Variants in NUP133 observed in about 807,000 individuals in gnomAD.
NUP133 encodes nucleoporin 133.
In NUP133, 66 loss-of-function variants were observed where a neutral mutation model predicts 146.2. That is an observed-to-expected ratio of 0.45 (90% CI 0.37 to 0.55). NUP133 has a LOEUF of 0.55. NUP133 is among the 20% of genes least tolerant of loss of function. The pLI is 0.00. For missense variants in NUP133, 1,277 were observed against 1,374.8 expected, an observed-to-expected ratio of 0.93 and a Z score of 1.12; for synonymous variants, 521 against 498.8, an observed-to-expected ratio of 1.04 and a Z score of -0.59.
rs1253571638 is a variant in NUP133 at position 229,460,863 on chromosome 1, CAGAAAACCTGTTCTAA to C, written c.2686-110_2686-95del. ...AACTTTGTTCTAAAGGCCTCCAAAA[CAGAAAACCTGTTCTAA>C]ACAATAATTTCCTATATTGTAGGAT... On this transcript the variant is annotated intron_variant, in intron 19 of 25. Coordinates refer to ENST00000261396, the MANE Select transcript of NUP133 (RefSeq NM_018230.3). 1.2e-5 allele frequency: 12 copies of C among 989,856 alleles called. No homozygotes were observed. In the African/African-American group the frequency reaches 1.8e-4, roughly 15 times the overall value. The allele number at this position is 989,856 out of a possible 1,614,324, so 61.3% of individuals were successfully genotyped here. A position where few individuals can be genotyped will look rare whatever the true frequency, so the allele number is the denominator to read the frequency against.
chr1:229,489,224 T>C (rs1324585903), intron 9 of NUP133, among the ~76,000 whole-genome samples: 2 of 152,158 alleles, frequency 1.3e-5, no homozygotes, highest in Non-Finnish European at 2.9e-5. Flanking sequence ...GGTGTGAATA[T>C]GGTACACAAC....
At chr1:229,448,486 C>T (rs965004588) in intron 24 of NUP133, among the ~76,000 whole-genome samples, 2 of 152,072 alleles carry the variant, frequency 1.3e-5, no homozygotes, top group Non-Finnish European at 2.9e-5. Context: ...GTTCTGGGAA[C>T]GTCTCATGCC....
intron 1 of NUP133, among the ~76,000 whole-genome samples, chr1:229,506,454 T>TTG (rs1310076571): frequency 1.3e-5 from 2 of 151,568 alleles, no homozygotes; most frequent in East Asian, 1.9e-4. Flanking sequence ...CCAGTGTTTT[T>TTG]TTTTTTTTTT....
intron 6 of NUP133, among the ~76,000 whole-genome samples, chr1:229,497,272 G>A (rs998409853): frequency 1.3e-5 from 2 of 152,008 alleles, no homozygotes; most frequent in African/African-American, 4.8e-5. Context: ...TAGAAGGAGA[G>A]GGAGACACAA....
intron 12 of NUP133, among the ~76,000 whole-genome samples, chr1:229,480,312 G>C (rs1361420831): frequency 1.3e-5 from 2 of 152,172 alleles, no homozygotes; most frequent in Non-Finnish European, 2.9e-5. Context: ...ACAGCTGACT[G>C]GAGAAACGCA....
At chr1:229,465,905 A>AG (rs1256913767) in intron 16 of NUP133, among the ~76,000 whole-genome samples, 1 of 151,566 alleles carries the variant, frequency 6.6e-6, no homozygotes, top group African/African-American at 2.4e-5. Flanking sequence ...AAAAAAAAAA[A>AG]AAAAGAAAAG....
rs1571907514 is a variant in NUP133 at position 229,452,445 on chromosome 1, G to T, written c.3099+80C>A. 2 of 1,028,426 alleles carry T rather than the reference G, an allele frequency of 1.9e-6. 1 individual carries two copies. Among genetic ancestry groups the T allele is most frequent in the East Asian group, 5.3e-5 (2 of 37,660 alleles). The allele number at this position is 1,028,426 out of a possible 1,614,324, so 63.7% of individuals were successfully genotyped here. On this transcript the variant is annotated intron_variant, in intron 22 of 25. Transcript: ENST00000261396. ...GCAGTAGAACAATAACTCCTCTTAG[G>T]AACTATACTACATGGCCCAACAAAC...
At chr1:229,467,236 T>A (rs1175316479) in intron 15 of NUP133, among the ~76,000 whole-genome samples, 1 of 152,210 alleles carries the variant, frequency 6.6e-6, no homozygotes, top group Non-Finnish European at 1.5e-5. Flanking sequence ...ACTAAATACA[T>A]AACTTCTAAC....
intron 21 of NUP133, among the ~76,000 whole-genome samples, chr1:229,456,400 T>C (rs1156410083): frequency 6.6e-6 from 1 of 152,186 alleles, no homozygotes; most frequent in Non-Finnish European, 1.5e-5. Context: ...ACCCTCTCCC[T>C]TTTTGAAAAT....
chr1:229,465,582 T>C (rs759405766), intron 16 of NUP133, 63 bp from the exon 17 acceptor site: 4 of 1,254,806 alleles, frequency 3.2e-6, no homozygotes, highest in African/African-American at 3.0e-5. Flanking sequence ...TTTCTGAAGA[T>C]AATTTAAGAC....
Position 229,450,521 on chromosome 1 carries a change from T to C in NUP133, c.3180+4A>G. On this transcript the variant is annotated splice_donor_region_variant and intron_variant, in intron 23 of 25. Coordinates refer to ENST00000261396, the MANE Select transcript of NUP133 (RefSeq NM_018230.3). ...CTGAGATCATCTCAAGCAATTTTAC[T>C]TACCTCATCAATATATTCCAACAAG... 1 of 1,522,538 alleles carries C rather than the reference T, an allele frequency of 6.6e-7. No individual in the cohort carries two copies. The highest frequency in any genetic ancestry group is 9.0e-7 in the Non-Finnish European group (1 of 1,112,174). 94.3% of individuals were successfully genotyped at this position (1,522,538 alleles called of 1,614,324 possible).
At chr1:229,485,424 TAA>T (rs1661324558) in intron 11 of NUP133, among the ~76,000 whole-genome samples, 1 of 152,100 alleles carries the variant, frequency 6.6e-6, no homozygotes, top group African/African-American at 2.4e-5. Context: ...CTGGAGTGTG[TAA>T]AAAGATTAAG....
At chr1:229,461,205 C>T (rs1448837595) in intron 19 of NUP133, among the ~76,000 whole-genome samples, 1 of 152,114 alleles carries the variant, frequency 6.6e-6, no homozygotes, top group Non-Finnish European at 1.5e-5. Context: ...GGGACAGCAC[C>T]GAGACTGTAA....
chr1:229,475,647 A>G lies in NUP133; in HGVS notation c.1842T>C (p.Phe614=), dbSNP rs748005628. ...CACCCTGCGCTCTTACTTGATGAAT[A>G]AAGTCCATAAGAAAAGAGTGAGCTT... ...KMKAHSFLMD[F]IHQVGLFGRL... Residue 614 remains phenylalanine, a synonymous_variant, in exon 14 of 26, where the codon TTT becomes TTC. Transcript: ENST00000261396. The G allele has an allele frequency of 1.1e-5, 17 of 1,613,512 alleles. No homozygotes were observed. The East Asian group carries it at 3.1e-4, about 30-fold the overall frequency.
chr1:229,482,504 A>AG (rs961575891), intron 12 of NUP133, among the ~76,000 whole-genome samples: 6 of 152,348 alleles, frequency 3.9e-5, no homozygotes, highest in East Asian at 1.9e-4. Context: ...GGGGCAGAGC[A>AG]GGGGGGCTGG....
At chr1:229,449,871 ATATT>A (rs1192503819) in intron 23 of NUP133, among the ~76,000 whole-genome samples, 11 of 102,034 alleles carry the variant, frequency 1.1e-4, no homozygotes, top group African/African-American at 4.4e-4. Context: ...ATATATATAT[ATATT>A]TTTTTTTTTT....
rs202163820 is a variant in NUP133 at position 229,465,509 on chromosome 1, T to C, written c.2210A>G (p.Gln737Arg). ...ATTTTGGCGATAATGACTAGCAGCC[T>C]GCAGCATATCCTGGAAAAAAAGTTA... is the stretch of plus-strand genomic sequence containing the variant. ...NVNNILKDMLQAASHYRQNRN... is the reference protein window; with the variant it reads ...NVNNILKDMLRAASHYRQNRN... The change falls in exon 17 of 26, where the codon CAG (glutamine) becomes CGG (arginine). Residue 737 changes from glutamine to arginine, a missense_variant. This residue lies in a region of NUP133 where 952 missense variants were observed against 1,047.0 expected (regional missense o/e 0.91). Coordinates refer to ENST00000261396, the MANE Select transcript of NUP133 (RefSeq NM_018230.3). 94 of 1,613,180 alleles carry C rather than the reference T, an allele frequency of 5.8e-5. 1 individual carries two copies. In the East Asian group the frequency reaches 1.4e-3, roughly 24 times the overall value.
intron 12 of NUP133, among the ~76,000 whole-genome samples, chr1:229,481,870 G>A (rs1049848086): frequency 1.3e-5 from 2 of 152,138 alleles, no homozygotes; most frequent in Non-Finnish European, 1.5e-5. Flanking sequence ...CTCATGCCTC[G>A]CTCTCAGACT....
Position 229,508,075 on chromosome 1 carries a change from T to A in NUP133, c.175A>T (p.Ser59Cys). 6.7e-7 allele frequency: 1 copy of A among 1,496,136 alleles called. No individual in the cohort carries two copies. The highest frequency in any genetic ancestry group is 8.9e-7 in the Non-Finnish European group (1 of 1,120,868). 92.7% of individuals were successfully genotyped at this position (1,496,136 alleles called of 1,614,324 possible). A position where few individuals can be genotyped will look rare whatever the true frequency, so the allele number is the denominator to read the frequency against. The change falls in exon 1 of 26, where the codon AGC becomes TGC. Residue 59 changes from serine (S) to cysteine (C), a missense_variant. This residue lies in a region of NUP133 where 319 missense variants were observed against 306.9 expected (regional missense o/e 1.04). Coordinates refer to ENST00000261396, the MANE Select transcript of NUP133 (RefSeq NM_018230.3). The part of the protein sequence containing the change: ...FSPVGRRSSL[S>C]SRGTPTRMFP... ...ACCAGGGAGATCACTTACCGCGAGC[T>A]TAGCGAGCTACGCCGGCCGACCGGC...
Sources: gnomAD v4.1 joint callset for allele counts (sites outside exome capture counted in the v4.1 genomes callset) on GRCh38, gnomAD v4.1.1 for gene constraint, gnomAD v4.1.1 regional missense constraint, MANE v1.5 for transcripts, NCBI Gene and HGNC (gene_info 2026-07-23, HGNC 2026-07-21) for gene names.